Variants in DCDC2C observed in about 807,000 individuals in gnomAD.
DCDC2C encodes doublecortin domain containing 2C, also known as doublecortin domain-containing protein 2C.
In DCDC2C, 44 loss-of-function variants were observed where a neutral mutation model predicts 45.0. The ratio of observed to expected loss-of-function variants is 0.98; its 90% CI spans 0.77 to 1.26. The LOEUF is 1.26. DCDC2C is among the 50% of genes most tolerant of loss of function. The probability of loss-of-function intolerance (pLI) is 0.00; values close to 1 mark genes in which losing one functional copy is unlikely to be tolerated. For missense variants in DCDC2C, 447 were observed against 468.9 expected, an observed-to-expected ratio of 0.95 and a Z score of 0.43; for synonymous variants, 187 against 178.8, an observed-to-expected ratio of 1.05 and a Z score of -0.37.
intron 3 of DCDC2C, 104 bp from the exon 4 acceptor site, chr2:3,741,816 A>T: frequency 8.2e-7 from 1 of 1,221,414 alleles, no homozygotes; most frequent in Non-Finnish European, 1.1e-6. Context: ...TGCTTAGTGC[A>T]TCTCATTGTT....
intron 2 of DCDC2C, among the ~76,000 whole-genome samples, chr2:3,713,116 T>A (rs558647973): frequency 6.6e-6 from 1 of 152,290 alleles, no homozygotes; most frequent in East Asian, 1.9e-4. Context: ...GACTCCAGGA[T>A]TTCTCCCACT....
At chr2:3,829,322 G>A (rs749174024) in intron 10 of DCDC2C, among the ~76,000 whole-genome samples, 3 of 148,668 alleles carry the variant, frequency 2.0e-5, no homozygotes, top group Middle Eastern at 6.9e-3. Context: ...AGTCAATCTG[G>A]CAACTAAGGA....
chr2:3,719,210 C>T (rs570087073), intron 2 of DCDC2C, among the ~76,000 whole-genome samples: 10 of 152,208 alleles, frequency 6.6e-5, no homozygotes, highest in East Asian at 5.8e-4. Context: ...CTCAGCCTCC[C>T]GAGTAGCTGG....
At chr2:3,741,307 A>T (rs1023111016) in intron 3 of DCDC2C, among the ~76,000 whole-genome samples, 5 of 152,242 alleles carry the variant, frequency 3.3e-5, no homozygotes, top group African/African-American at 1.2e-4. Context: ...TATTTAAGGC[A>T]AAATTATCTG....
intron 10 of DCDC2C, among the ~76,000 whole-genome samples, chr2:3,799,808 C>T (rs530279615): frequency 6.6e-6 from 1 of 152,290 alleles, no homozygotes; most frequent in African/African-American, 2.4e-5. Context: ...GCAGAGGTTA[C>T]TGCTGTCTTT....
chr2:3,746,048 A>G (rs1358029094), intron 4 of DCDC2C, among the ~76,000 whole-genome samples: 1 of 152,168 alleles, frequency 6.6e-6, no homozygotes, highest in Admixed American at 6.5e-5. Context: ...GTGCAAGACA[A>G]TTGCTGATCT....
chr2:3,808,015 T>G (rs1671297026), intron 10 of DCDC2C, among the ~76,000 whole-genome samples: 1 of 152,178 alleles, frequency 6.6e-6, no homozygotes, highest in Non-Finnish European at 1.5e-5. Context: ...TGCTATCCAT[T>G]GATGTAAAGG....
chr2:3,785,955 A>C (rs17018018), intron 10 of DCDC2C, among the ~76,000 whole-genome samples: 20,761 of 152,096 alleles, frequency 0.14, 1,553 homozygotes, highest in East Asian at 0.29. Flanking sequence ...TGATTGCCTC[A>C]GTTTCCTCCT....
intron 3 of DCDC2C, among the ~76,000 whole-genome samples, chr2:3,739,875 C>T (rs1669152541): frequency 6.6e-6 from 1 of 152,240 alleles, no homozygotes; most frequent in Non-Finnish European, 1.5e-5. Flanking sequence ...ACTGGGGCTT[C>T]AGGAGCTGGA....
rs767493047 is a variant in DCDC2C at position 3,769,333 on chromosome 2, G to T, written c.876G>T (p.Pro292=). The T allele has an allele frequency of 6.4e-7, 1 of 1,550,474 alleles. No individual in the cohort carries two copies. The highest frequency in any genetic ancestry group is 2.4e-5 in the East Asian group (1 of 40,906). ...CAGAAGGTGACGTGTATAAAGCACC[G>T]ACTCCTAGCAAGGAAACCCAAGGGG... ...RGAEGDVYKA[P]TPSKETQGAL... Residue 292 remains proline (P), a synonymous_variant, in exon 8 of 11, where the codon CCG becomes CCT. Transcript: ENST00000399143.
chr2:3,806,709 A>ATT (rs78484882), intron 10 of DCDC2C, among the ~76,000 whole-genome samples: 15 of 147,674 alleles, frequency 1.0e-4, no homozygotes, highest in African/African-American at 3.2e-4. Context: ...TGCCTGGCTA[A>ATT]TTTTTTTTTT....
chr2:3,751,247 C>T (rs575037734), intron 4 of DCDC2C, among the ~76,000 whole-genome samples: 1 of 152,204 alleles, frequency 6.6e-6, no homozygotes, highest in Non-Finnish European at 1.5e-5. Context: ...TCCCCCACTT[C>T]CCTAGTGAGG....
At chr2:3,747,145 C>T (rs983177190) in intron 4 of DCDC2C, among the ~76,000 whole-genome samples, 2 of 152,152 alleles carry the variant, frequency 1.3e-5, no homozygotes, top group Admixed American at 1.3e-4. Context: ...GACACACATG[C>T]ACGCAGCACA....
At chr2:3,756,346 C>G (rs539246389) in intron 6 of DCDC2C, among the ~76,000 whole-genome samples, 1 of 152,296 alleles carries the variant, frequency 6.6e-6, no homozygotes. Context: ...GTCTGCCTGG[C>G]TCACTGGCTC....
At position 3,836,481 on chromosome 2, in the gene DCDC2C, T is replaced by G. The variant is rs114198550; in HGVS notation, c.1066-10673T>G. Among the ~76,000 whole-genome samples, 798 of 152,288 alleles carry G rather than the reference T, an allele frequency of 5.2e-3. 11 individuals are homozygous for G. The highest frequency in any genetic ancestry group is 0.018 in the African/African-American group (747 of 41,560). On this transcript the variant is annotated intron_variant, in intron 10 of 10. Transcript: ENST00000399143. ...AAAGTCTGTTAAATAGTATTAACAG[T>G]TAAATAGTATCACACAAATGCTAAT...
At chr2:3,830,966 G>A (rs1671935028) in intron 10 of DCDC2C, among the ~76,000 whole-genome samples, 1 of 152,058 alleles carries the variant, frequency 6.6e-6, no homozygotes, top group Admixed American at 6.5e-5. Context: ...TCAGTCTCTT[G>A]GGGTGGATAA....
At chr2:3,704,832 T>A (rs1668021656) in intron 1 of DCDC2C, among the ~76,000 whole-genome samples, 1 of 151,904 alleles carries the variant, frequency 6.6e-6, no homozygotes, top group Non-Finnish European at 1.5e-5. Flanking sequence ...CACTTGGTCC[T>A]GCGTGCATTT....
intron 2 of DCDC2C, among the ~76,000 whole-genome samples, chr2:3,718,249 C>T (rs751018447): frequency 4.6e-5 from 7 of 152,282 alleles, no homozygotes; most frequent in South Asian, 2.1e-4. Context: ...CAGGTATTCT[C>T]CTCTCCTTGG....
At chr2:3,791,682 C>A (rs569333044) in intron 10 of DCDC2C, among the ~76,000 whole-genome samples, 2 of 152,202 alleles carry the variant, frequency 1.3e-5, no homozygotes, top group African/African-American at 2.4e-5. Flanking sequence ...CCCCGGGGGC[C>A]TGATGACCCT....
Sources: allele counts gnomAD v4.1 joint callset (sites outside exome capture counted in the v4.1 genomes callset), GRCh38; gene constraint gnomAD v4.1.1; transcripts MANE v1.5; gene names NCBI Gene and HGNC (gene_info 2026-07-23, HGNC 2026-07-21).